Variants in SLC12A6 observed in about 807,000 individuals in gnomAD.
The protein encoded by SLC12A6 is K-Cl cotransporter 3.
Under a neutral mutation model 135.3 loss-of-function variants are expected in SLC12A6, and 66 were observed. The ratio of observed to expected loss-of-function variants is 0.49; its 90% CI spans 0.40 to 0.60. The LOEUF (loss-of-function observed/expected upper bound fraction) is 0.60. Ranked by LOEUF, SLC12A6 falls within the 20% of genes least tolerant of loss-of-function variation. The probability of loss-of-function intolerance (pLI) is 0.00; values close to 1 mark genes in which losing one functional copy is unlikely to be tolerated. For synonymous variants in SLC12A6, 513 were observed against 508.8 expected (o/e 1.01, Z -0.11); for missense variants, 1,058 against 1,452.3 (o/e 0.73, Z 4.41).
At chr15:34,298,407 G>A (rs568302207) in intron 2 of SLC12A6, among the ~76,000 whole-genome samples, 5 of 152,102 alleles carry the variant, frequency 3.3e-5, no homozygotes, top group Middle Eastern at 3.4e-3. Context: ...CCCGGGAGGC[G>A]GAGGTTGCAG....
chr15:34,322,107 C>T (rs988797300), intron 2 of SLC12A6, among the ~76,000 whole-genome samples: 2 of 151,906 alleles, frequency 1.3e-5, no homozygotes, highest in African/African-American at 2.4e-5. Context: ...GTGCCTTTGC[C>T]GGGCGTGGTG....
chr15:34,304,695 T>C (rs1022565454), intron 2 of SLC12A6, among the ~76,000 whole-genome samples: 3 of 152,232 alleles, frequency 2.0e-5, no homozygotes, highest in Non-Finnish European at 2.9e-5. Flanking sequence ...CTCACCTTAA[T>C]TGGAAAGCTG....
chr15:34,256,074 T>C (rs1398106602), intron 7 of SLC12A6, among the ~76,000 whole-genome samples, 155 bp downstream of exon 7: 1 of 152,204 alleles, frequency 6.6e-6, no homozygotes, highest in African/African-American at 2.4e-5. Flanking sequence ...TAAAGTCAAG[T>C]AGTATTATGT....
Position 34,254,497 on chromosome 15 carries a change from T to C in SLC12A6, c.969A>G (p.Thr323=). Residue 323 remains threonine (T), a synonymous_variant, in exon 9 of 26, where the codon ACA becomes ACG. Coordinates refer to ENST00000354181, the MANE Select transcript of SLC12A6 (RefSeq NM_001365088.1). ...AMLNNMRVYG[T]AFLVLMVLVV... is the part of the protein sequence containing the mutation. ...CTAATACCATAAGGACCAAGAAAGC[T>C]GTGCCGTAGACACGCATGTTATTTA... 1 of 1,613,844 alleles carries C rather than the reference T, an allele frequency of 6.2e-7. No homozygotes were observed. Among genetic ancestry groups the C allele is most frequent in the South Asian group, 1.1e-5 (1 of 91,082 alleles).
chr15:34,329,049 A>C (rs1480251699), intron 2 of SLC12A6, among the ~76,000 whole-genome samples: 1 of 152,242 alleles, frequency 6.6e-6, no homozygotes, highest in Non-Finnish European at 1.5e-5. Flanking sequence ...TAATTCCTAC[A>C]CTATAGCTCT....
chr15:34,244,931 C>T (rs949555424), intron 15 of SLC12A6, among the ~76,000 whole-genome samples: 13 of 152,234 alleles, frequency 8.5e-5, no homozygotes, highest in Middle Eastern at 3.4e-3. Context: ...GTGTCTTATC[C>T]ATCTTTGTAT....
In SLC12A6 at chr15:34,250,696, A is replaced by C; in HGVS notation, c.1526T>G (p.Leu509Arg). ...CGGAATAGACTTCTGAGCATCTTTC[A>C]GATCTCCAGATCTGTTTGATCCAGC... ...IMAGSNRSGD[L>R]KDAQKSIPIG... Residue 509 changes from leucine (L) to arginine (R), a missense_variant, in exon 12 of 26, where the codon CTG (leucine) becomes CGG (arginine). Leu to Arg is a moderately radical substitution (Grantham distance 102). Coordinates refer to ENST00000354181, the MANE Select transcript of SLC12A6 (RefSeq NM_001365088.1). 1 of 1,606,040 alleles carries C rather than the reference A, an allele frequency of 6.2e-7. No individual in the cohort carries two copies. The highest frequency in any genetic ancestry group is 8.5e-7 in the Non-Finnish European group (1 of 1,172,588).
intron 7 of SLC12A6, among the ~76,000 whole-genome samples, chr15:34,255,697 G>A (rs1190460805): frequency 6.6e-6 from 1 of 152,158 alleles, no homozygotes; most frequent in Non-Finnish European, 1.5e-5. Flanking sequence ...CTGGCTGGGT[G>A]TGGAGGTTCA....
At chr15:34,287,153 C>T (rs1416537649) in intron 2 of SLC12A6, among the ~76,000 whole-genome samples, 1 of 152,130 alleles carries the variant, frequency 6.6e-6, no homozygotes, top group Non-Finnish European at 1.5e-5. Flanking sequence ...CCCCCCCGGG[C>T]TCTGGTGTGT....
chr15:34,270,972 G>A (rs111808342), intron 3 of SLC12A6, among the ~76,000 whole-genome samples: 1,813 of 152,094 alleles, frequency 0.012, 15 homozygotes, highest in Middle Eastern at 0.037. Flanking sequence ...TGCAAGGAGG[G>A]GAAATGCGTG....
intron 2 of SLC12A6, among the ~76,000 whole-genome samples, chr15:34,304,183 G>T (rs347848): frequency 0.44 from 67,187 of 151,900 alleles, 17,414 homozygotes; most frequent in African/African-American, 0.74. Flanking sequence ...TGTGTTTGGG[G>T]TTTTTTGCAA....
chr15:34,293,330 A>T (rs1298351569), intron 2 of SLC12A6, among the ~76,000 whole-genome samples: 2 of 152,192 alleles, frequency 1.3e-5, no homozygotes, highest in African/African-American at 4.8e-5. Context: ...TTTGAGACAG[A>T]GTCTCACTCT....
chr15:34,230,972 A>G lies in SLC12A6; in HGVS notation c.*2909T>C, dbSNP rs1202038174. 1 of 150,360 alleles carries G rather than the reference A, an allele frequency of 6.7e-6. No homozygotes were observed. The highest frequency in any genetic ancestry group is 2.4e-5 in the African/African-American group (1 of 40,958). The allele number at this position is 150,360 out of a possible 1,614,324, so 9.3% of individuals were successfully genotyped here. ...TCTGCCCATAATTTGTTCTACATGG[A>G]AAAAAAAAATATTACTTTGGCCAGG... is the stretch of plus-strand genomic sequence containing the variant. On this transcript the variant is annotated 3_prime_UTR_variant, in exon 26 of 26. Coordinates refer to ENST00000354181, the MANE Select transcript of SLC12A6 (RefSeq NM_001365088.1).
chr15:34,247,772 A>G (rs1892099765), intron 13 of SLC12A6, among the ~76,000 whole-genome samples: 1 of 151,236 alleles, frequency 6.6e-6, no homozygotes, highest in East Asian at 2.0e-4. Context: ...TGCTGTGATC[A>G]TGACTGACTG....
chr15:34,322,081 T>A (rs1425521826), intron 2 of SLC12A6, among the ~76,000 whole-genome samples: 3 of 152,202 alleles, frequency 2.0e-5, no homozygotes, highest in African/African-American at 7.2e-5. Context: ...ACTCTGCCAA[T>A]GTTCACTTAA....
At chr15:34,327,828 T>C (rs570312634) in intron 2 of SLC12A6, among the ~76,000 whole-genome samples, 1 of 152,106 alleles carries the variant, frequency 6.6e-6, no homozygotes, top group Non-Finnish European at 1.5e-5. Flanking sequence ...AAACTAGCAA[T>C]ATGAAAAATA....
At chr15:34,307,747 GA>G (rs1191230409) in intron 2 of SLC12A6, among the ~76,000 whole-genome samples, 3 of 152,148 alleles carry the variant, frequency 2.0e-5, no homozygotes, top group African/African-American at 7.2e-5. Context: ...CTGTAGGCAG[GA>G]AACAGCAGAA....
rs1334006926 is a variant in SLC12A6, at chr15:34,230,914, C to T, written c.*2967G>A. Reference sequence around the variant, plus strand: ...TTAAAAGATTTTTACAATTCTCCAACCACAAACAGCACTTCTAAAACTAAC... The same window carrying T: ...TTAAAAGATTTTTACAATTCTCCAATCACAAACAGCACTTCTAAAACTAAC... On this transcript the variant is annotated 3_prime_UTR_variant, in exon 26 of 26. Transcript: ENST00000354181. The T allele has an allele frequency of 6.6e-6, 1 of 152,388 alleles. No homozygotes were observed. Among genetic ancestry groups the T allele is most frequent in the Non-Finnish European group, 1.5e-5 (1 of 68,044 alleles). 9.4% of individuals were successfully genotyped at this position (152,388 alleles called of 1,614,324 possible). A position where few individuals can be genotyped will look rare whatever the true frequency, so the allele number is the denominator to read the frequency against.
chr15:34,251,439 A>T (rs1378258692), intron 10 of SLC12A6, among the ~76,000 whole-genome samples: 1 of 151,978 alleles, frequency 6.6e-6, no homozygotes, highest in Non-Finnish European at 1.5e-5. Context: ...AGTAGAGACG[A>T]GGTTTCACCA....
Sources: gnomAD v4.1 joint callset for allele counts (sites outside exome capture counted in the v4.1 genomes callset) on GRCh38, gnomAD v4.1.1 for gene constraint, MANE v1.5 for transcripts, NCBI Gene and HGNC (gene_info 2026-07-23, HGNC 2026-07-21) for gene names.